The following RALGPS1 variants were observed in gnomAD, a reference collection of about 807,000 sequenced individuals.
RALGPS1 encodes ras-specific guanine nucleotide-releasing factor RalGPS1.
In RALGPS1, 19 loss-of-function variants were observed where a neutral mutation model predicts 78.8. The ratio of observed to expected loss-of-function variants is 0.24; its 90% CI spans 0.17 to 0.35. The LOEUF is 0.35. Ranked by LOEUF, RALGPS1 falls within the 10% of genes least tolerant of loss-of-function variation. The pLI, the probability that RALGPS1 is intolerant of heterozygous loss-of-function variation, is 1.00. For synonymous variants in RALGPS1, 228 were observed against 256.3 expected, an observed-to-expected ratio of 0.89 and a Z score of 1.06; for missense variants, 454 against 688.3, an observed-to-expected ratio of 0.66 and a Z score of 3.81.
intron 7 of RALGPS1, among the ~76,000 whole-genome samples, chr9:127,054,630 C>T (rs1270552471): frequency 2.6e-5 from 4 of 152,144 alleles, no homozygotes; most frequent in Non-Finnish European, 5.9e-5. Context: ...TTGACAGGCC[C>T]TACTCAAGGT....
intron 11 of RALGPS1, among the ~76,000 whole-genome samples, chr9:127,191,929 C>T (rs2061079552): frequency 6.6e-6 from 1 of 152,080 alleles, no homozygotes. Context: ...GATCTCCTGA[C>T]CTTGTGATCT....
intron 8 of RALGPS1, among the ~76,000 whole-genome samples, chr9:127,131,836 C>T (rs2057025208): frequency 6.6e-6 from 1 of 152,144 alleles, no homozygotes; most frequent in South Asian, 2.1e-4. Flanking sequence ...TCCTTGTGCT[C>T]ACCACTTCAG....
chr9:127,098,269 C>A lies in RALGPS1; in HGVS notation c.610+28913C>A, dbSNP rs138310349. Among the ~76,000 whole-genome samples, 17 of 152,284 alleles carry A rather than the reference C, an allele frequency of 1.1e-4. No homozygotes were observed. The East Asian group carries it at 3.3e-3, about 29-fold the overall frequency. ...TCAACGTGCAGTGGGCAAAGCGCTC[C>A]CTTTGGACCAGTGCAGAGTACCTAG... On this transcript the variant is annotated intron_variant, in intron 8 of 18. Coordinates refer to ENST00000259351, the MANE Select transcript of RALGPS1 (RefSeq NM_014636.3).
intron 7 of RALGPS1, among the ~76,000 whole-genome samples, chr9:127,058,813 T>TA (rs2048961820): frequency 6.6e-6 from 1 of 152,304 alleles, no homozygotes; most frequent in East Asian, 1.9e-4. Context: ...TGTGCACACA[T>TA]ACGTACATTC....
intron 3 of RALGPS1, among the ~76,000 whole-genome samples, chr9:126,969,468 G>A (rs2132387234): frequency 6.6e-6 from 1 of 152,266 alleles, no homozygotes; most frequent in South Asian, 2.1e-4. Flanking sequence ...AGCCACATGT[G>A]GCTAGTGGCT....
At chr9:127,099,658 T>C (rs1332653312) in intron 8 of RALGPS1, among the ~76,000 whole-genome samples, 1 of 152,222 alleles carries the variant, frequency 6.6e-6, no homozygotes, top group Non-Finnish European at 1.5e-5. Flanking sequence ...TCCAGAGGCT[T>C]GGCAAAATAA....
At chr9:127,145,352 G>GT (rs2058038534) in intron 8 of RALGPS1, among the ~76,000 whole-genome samples, 1 of 152,204 alleles carries the variant, frequency 6.6e-6, no homozygotes, top group African/African-American at 2.4e-5. Context: ...GCAGAGCCAG[G>GT]TGGGCACACC....
At position 127,212,126 on chromosome 9, in the gene RALGPS1, C is replaced by T; in HGVS notation, c.1248-5C>T. 6.2e-7 allele frequency: 1 copy of T among 1,609,942 alleles called. No individual in the cohort carries two copies. The highest frequency in any genetic ancestry group is 8.5e-7 in the Non-Finnish European group (1 of 1,178,136). On this transcript the variant is annotated splice_region_variant and splice_polypyrimidine_tract_variant and intron_variant, in intron 14 of 18. Transcript: ENST00000259351. This position sits in a 1 kb window ranked among gnomAD's most constrained non-coding sequence, Gnocchi z 6.0. ...GGCGATGTCTGACTGGTAGTCTCTC[C>T]TCAGCCCCACCGGCCCGTGCATCTG...
At chr9:127,108,015 G>T in intron 8 of RALGPS1, 1 of 1,605,964 alleles carries the variant, frequency 6.2e-7, no homozygotes, top group Non-Finnish European at 8.5e-7. Context: ...GGATCTCGTT[G>T]GTAGAGATCT....
At chr9:126,955,035 T>C (rs568924051) in intron 1 of RALGPS1, among the ~76,000 whole-genome samples, 2 of 152,372 alleles carry the variant, frequency 1.3e-5, no homozygotes, top group Admixed American at 1.3e-4. Flanking sequence ...AATACTCATA[T>C]TCCCACTGGT....
intron 8 of RALGPS1, among the ~76,000 whole-genome samples, chr9:127,163,105 T>A (rs943775247): frequency 1.3e-5 from 2 of 152,176 alleles, no homozygotes; most frequent in Non-Finnish European, 2.9e-5. Flanking sequence ...GCTTCTAGGC[T>A]GAGCTTTCAC....
intron 1 of RALGPS1, among the ~76,000 whole-genome samples, chr9:126,925,932 T>G (rs994914371): frequency 3.9e-5 from 6 of 152,192 alleles, no homozygotes; most frequent in African/African-American, 1.4e-4. Context: ...CCAGATGTAC[T>G]GGGGAGCCAG....
intron 8 of RALGPS1, among the ~76,000 whole-genome samples, chr9:127,121,842 C>T (rs535062395): frequency 6.6e-5 from 10 of 152,284 alleles, no homozygotes; most frequent in African/African-American, 1.2e-4. Context: ...GGGCTCCCAG[C>T]GCCTCAGCAC....
intron 8 of RALGPS1, among the ~76,000 whole-genome samples, chr9:127,113,417 G>A (rs1290801885): frequency 2.0e-5 from 3 of 151,376 alleles, no homozygotes; most frequent in Non-Finnish European, 2.9e-5. Flanking sequence ...CCAGTTTGGC[G>A]GCTCTTAATG....
chr9:127,133,274 A>G (rs1019117151), intron 8 of RALGPS1, among the ~76,000 whole-genome samples: 7 of 152,218 alleles, frequency 4.6e-5, no homozygotes, highest in African/African-American at 1.4e-4. Context: ...CCAGTCCCCA[A>G]GGGGAGAGAA....
chr9:126,989,058 A>G (rs959570968), intron 4 of RALGPS1, among the ~76,000 whole-genome samples: 2 of 152,022 alleles, frequency 1.3e-5, no homozygotes, highest in Non-Finnish European at 2.9e-5. Context: ...ACATAGCAAG[A>G]CCCCACCTTA....
intron 8 of RALGPS1, among the ~76,000 whole-genome samples, chr9:127,135,090 C>G (rs1370560228): frequency 6.6e-6 from 1 of 152,220 alleles, no homozygotes; most frequent in African/African-American, 2.4e-5. Context: ...AGACCTTCGG[C>G]CCACCAAGGA....
At chr9:127,117,971 T>C (rs867852545) in intron 8 of RALGPS1, among the ~76,000 whole-genome samples, 1 of 152,258 alleles carries the variant, frequency 6.6e-6, no homozygotes, top group African/African-American at 2.4e-5. Context: ...GCTCTGGGGC[T>C]GCTGGCCCCA....
intron 8 of RALGPS1, among the ~76,000 whole-genome samples, chr9:127,165,327 A>C (rs2059240004): frequency 6.6e-6 from 1 of 152,234 alleles, no homozygotes; most frequent in Non-Finnish European, 1.5e-5. Context: ...GTAGTGGCTG[A>C]ATAGCCAGCG....
Sources: allele counts gnomAD v4.1 joint callset (sites outside exome capture counted in the v4.1 genomes callset), GRCh38; gene constraint gnomAD v4.1.1; non-coding constraint Gnocchi (gnomAD v3.1); transcripts MANE v1.5; gene names NCBI Gene and HGNC (gene_info 2026-07-23, HGNC 2026-07-21).